The following AAK1 variants were observed in gnomAD, a reference collection of about 807,000 sequenced individuals.
The protein encoded by AAK1 is AP2-associated protein kinase 1.
A neutral mutation model predicts 116.0 loss-of-function variants in AAK1; 37 were observed. The ratio of observed to expected loss-of-function variants is 0.32; its 90% CI spans 0.25 to 0.42. The LOEUF (loss-of-function observed/expected upper bound fraction) is 0.42, where lower values mean the gene tolerates loss of function less well. AAK1 is among the 10% of genes least tolerant of loss of function. The pLI is 1.00. For synonymous variants in AAK1, 458 were observed against 439.9 expected, an observed-to-expected ratio of 1.04 and a Z score of -0.51; for missense variants, 919 against 1,170.6, an observed-to-expected ratio of 0.79 and a Z score of 3.14.
intron 14 of AAK1, among the ~76,000 whole-genome samples, chr2:69,508,726 T>A (rs1237404651): frequency 6.6e-6 from 1 of 152,186 alleles, no homozygotes; most frequent in Non-Finnish European, 1.5e-5. Flanking sequence ...TAAATGAACA[T>A]TCCCTAGGTG....
chr2:69,525,105 G>A lies in AAK1; in HGVS notation c.983C>T (p.Pro328Leu). 1 of 1,613,852 alleles carries A rather than the reference G, an allele frequency of 6.2e-7. No homozygotes were observed. The highest frequency in any genetic ancestry group is 1.3e-5 in the African/African-American group (1 of 75,018). The stretch of plus-strand genomic sequence containing the variant: ...TGGTTCAGGAAGCTTTGCAGGAATG[G>A]GAGAGTTCTATAGAATTGCAAACAA... ...ECPIPNVQNS[P>L]IPAKLPEPVK... Residue 328 changes from proline (P) to leucine (L), a missense_variant, in exon 10 of 22, where the codon CCC becomes CTC. Pro to Leu is a moderately conservative substitution (Grantham distance 98, BLOSUM62 -3). Transcript: ENST00000409085.
chr2:69,514,507 A>T lies in AAK1; in HGVS notation c.1740T>A (p.Ala580=), dbSNP rs534808188. The stretch of plus-strand genomic sequence containing the variant: ...GGGCAGGGGCTGGCTGTGGGGCTGC[A>T]GCTGGCTGTGGCTGGGGCTGCTGTC... ...AAGQQPQPQP[A]AAPQPAPAQE... is the part of the protein sequence containing the mutation. The change falls in exon 13 of 22, where the codon GCT becomes GCA. Residue 580 remains alanine, a synonymous_variant. Coordinates refer to ENST00000409085, the MANE Select transcript of AAK1 (RefSeq NM_014911.5). The T allele has an allele frequency of 1.3e-6, 2 of 1,550,442 alleles. No homozygotes were observed. The highest frequency in any genetic ancestry group is 2.7e-5 in the African/African-American group (2 of 73,130).
intron 8 of AAK1, among the ~76,000 whole-genome samples, chr2:69,529,187 G>A (rs1670141737): frequency 6.6e-6 from 1 of 152,164 alleles, no homozygotes; most frequent in Non-Finnish European, 1.5e-5. Context: ...GGTATAAGTA[G>A]GCCCTCAACA....
chr2:69,545,499 TGA>T (rs1480339773), intron 3 of AAK1, among the ~76,000 whole-genome samples: 1 of 152,214 alleles, frequency 6.6e-6, no homozygotes, highest in Non-Finnish European at 1.5e-5. Context: ...TGTGGTCCCC[TGA>T]GAGTCACCAT....
At chr2:69,508,843 G>A (rs1012793732) in intron 14 of AAK1, among the ~76,000 whole-genome samples, 52 of 152,208 alleles carry the variant, frequency 3.4e-4, no homozygotes, top group Non-Finnish European at 7.2e-4. Context: ...GCCCTGCTAT[G>A]TTAAGCAGTG....
chr2:69,597,725 T>G (rs1185608522), intron 2 of AAK1: 1 of 152,252 alleles, frequency 6.6e-6, no homozygotes, highest in Admixed American at 6.5e-5. Flanking sequence ...AAAAAATTTT[T>G]TTTTTAAACA....
chr2:69,530,540 G>A, intron 7 of AAK1, 85 bp downstream of exon 7: 1 of 1,138,872 alleles, frequency 8.8e-7, no homozygotes, highest in Admixed American at 1.8e-5. Context: ...TAGCCACCAT[G>A]CTATAGCGCT....
intron 2 of AAK1, among the ~76,000 whole-genome samples, chr2:69,557,455 C>A (rs913658352): frequency 1.3e-5 from 2 of 151,996 alleles, no homozygotes; most frequent in South Asian, 4.1e-4. Flanking sequence ...GTGTACACCA[C>A]CACTCCTGGC....
At chr2:69,634,595 A>G (rs1327717311) in intron 2 of AAK1, among the ~76,000 whole-genome samples, 2 of 152,230 alleles carry the variant, frequency 1.3e-5, no homozygotes, top group Non-Finnish European at 2.9e-5. Flanking sequence ...AACACACAAG[A>G]AACAACTGAA....
chr2:69,604,602 G>A (rs181072960), intron 2 of AAK1, among the ~76,000 whole-genome samples: 38 of 152,272 alleles, frequency 2.5e-4, no homozygotes, highest in Admixed American at 2.2e-3. Flanking sequence ...AGGAACATAC[G>A]AGCTGACACA....
chr2:69,580,092 T>C (rs1672481655), intron 2 of AAK1, among the ~76,000 whole-genome samples: 1 of 152,232 alleles, frequency 6.6e-6, no homozygotes, highest in African/African-American at 2.4e-5. Flanking sequence ...CAAATCTTGA[T>C]GATTTGTCTC....
chr2:69,630,366 G>T (rs968556752), intron 2 of AAK1, among the ~76,000 whole-genome samples: 1 of 143,102 alleles, frequency 7.0e-6, no homozygotes, highest in Non-Finnish European at 1.5e-5. Flanking sequence ...GGGAGAGGGA[G>T]GGGGAGGGAG....
intron 19 of AAK1, 112 bp from the exon 20 acceptor site, chr2:69,479,173 T>A: frequency 5.4e-6 from 4 of 744,046 alleles, no homozygotes; most frequent in Non-Finnish European, 8.9e-6. Flanking sequence ...ACGTTACACA[T>A]AAAAGCCAAA....
intron 2 of AAK1, among the ~76,000 whole-genome samples, chr2:69,609,675 TA>T (rs1673978018): frequency 6.7e-6 from 1 of 149,614 alleles, no homozygotes; most frequent in South Asian, 2.1e-4. Context: ...AAAATAATAA[TA>T]AAAATAAAAA....
chr2:69,635,712 C>T (rs1284486861), intron 2 of AAK1, among the ~76,000 whole-genome samples: 1 of 152,106 alleles, frequency 6.6e-6, no homozygotes, highest in Non-Finnish European at 1.5e-5. Context: ...TAATATTCCA[C>T]TTATATGAGG....
intron 2 of AAK1, chr2:69,598,688 T>C (rs1483027001): frequency 6.2e-6 from 1 of 160,442 alleles, no homozygotes; most frequent in Non-Finnish European, 1.3e-5. Context: ...CCCAGATAAT[T>C]TTTTTATTTT....
intron 17 of AAK1, among the ~76,000 whole-genome samples, chr2:69,492,398 G>A (rs1675558441): frequency 6.6e-6 from 1 of 151,956 alleles, no homozygotes; most frequent in Admixed American, 6.6e-5. Flanking sequence ...ATTTTTAGTA[G>A]AGACAGGGTC....
rs568869134 is a variant in AAK1, at chr2:69,640,079, T to TC, written c.163+2798dup. Among the ~76,000 whole-genome samples, 1,087 of 136,016 alleles carry TC rather than the reference T, an allele frequency of 8.0e-3. 8 individuals are homozygous for TC. The highest frequency in any genetic ancestry group is 0.061 in the East Asian group (252 of 4,164). 89.2% of individuals were successfully genotyped at this position (136,016 alleles called of 152,430 possible). On this transcript the variant is annotated intron_variant, in intron 2 of 21. Transcript: ENST00000409085. Reference sequence around the variant, plus strand: ...CTCTCTCTCTCTCTCTCTCTCTCTCTCCCCCCCCACATATATACATATGAT... The same window carrying TC: ...CTCTCTCTCTCTCTCTCTCTCTCTCTCCCCCCCCCACATATATACATATGAT...
At chr2:69,546,531 G>A (rs1005607774) in intron 3 of AAK1, among the ~76,000 whole-genome samples, 2 of 152,176 alleles carry the variant, frequency 1.3e-5, no homozygotes, top group African/African-American at 4.8e-5. Context: ...ATTCAAAGAT[G>A]AATGAAAGAC....
Sources: gnomAD v4.1 joint callset for allele counts (sites outside exome capture counted in the v4.1 genomes callset) on GRCh38, gnomAD v4.1.1 for gene constraint, MANE v1.5 for transcripts, NCBI Gene and HGNC (gene_info 2026-07-23, HGNC 2026-07-21) for gene names.